Variants in LRRC4C observed in about 807,000 individuals in gnomAD.
LRRC4C encodes the protein leucine rich repeat containing 4C.
Under a neutral mutation model 33.6 loss-of-function variants are expected in LRRC4C, and 5 were observed. The ratio of observed to expected loss-of-function variants is 0.15; its 90% CI spans 0.08 to 0.31. LRRC4C has a LOEUF of 0.31. LRRC4C is among the 10% of genes least tolerant of loss of function. The pLI is 1.00. For synonymous variants in LRRC4C, 329 were observed against 302.0 expected (o/e 1.09, Z -0.93); for missense variants, 560 against 796.7 (o/e 0.70, Z 3.58).
chr11:41,185,033 A>T (rs1945629745), intron 1 of LRRC4C, among the ~76,000 whole-genome samples: 1 of 152,030 alleles, frequency 6.6e-6, no homozygotes, highest in African/African-American at 2.4e-5. Context: ...CAGCATGGGA[A>T]AGACCCACTC....
rs561501642 is a variant in LRRC4C at position 40,249,330 on chromosome 11, T to G, written c.-175-7732A>C. ...CTCCAGCCTGGCCAGAGAGTGAGAC[T>G]CCATCTCAAAAAAATAAAAAATAAA... On this transcript the variant is annotated intron_variant, in intron 4 of 6. Coordinates refer to ENST00000528697, the MANE Select transcript of LRRC4C (RefSeq NM_001258419.2). 8.7e-4 allele frequency among the ~76,000 whole-genome samples: 132 copies of G among 151,952 alleles called. 1 individual carries two copies. Among genetic ancestry groups the G allele is most frequent in the African/African-American group, 3.0e-3 (125 of 41,454 alleles).
intron 3 of LRRC4C, among the ~76,000 whole-genome samples, chr11:40,475,789 C>T (rs1276906911): frequency 6.6e-6 from 1 of 152,106 alleles, no homozygotes; most frequent in Non-Finnish European, 1.5e-5. Context: ...CAGAACGCCA[C>T]TCCTAAGCCC....
At chr11:40,791,042 G>A (rs1450026470) in intron 2 of LRRC4C, among the ~76,000 whole-genome samples, 2 of 152,128 alleles carry the variant, frequency 1.3e-5, no homozygotes, top group Non-Finnish European at 2.9e-5. Context: ...TTGTCACTCA[G>A]TACCTGTCTG....
chr11:40,736,166 C>A lies in LRRC4C; in HGVS notation c.-406-87888G>T, dbSNP rs1006367788. On this transcript the variant is annotated intron_variant, in intron 2 of 6. Coordinates refer to ENST00000528697, the MANE Select transcript of LRRC4C (RefSeq NM_001258419.2). ...CTCCTAATGCTATATCTCTCCTTGC[C>A]CCCCACCCCCAAACAGGCCCCAGAG... 4.6e-5 allele frequency among the ~76,000 whole-genome samples: 7 copies of A among 151,828 alleles called. No homozygotes were observed. The South Asian group carries it at 1.5e-3, about 32-fold the overall frequency.
chr11:41,081,644 G>C (rs1266079496), intron 1 of LRRC4C, among the ~76,000 whole-genome samples: 1 of 151,902 alleles, frequency 6.6e-6, no homozygotes, highest in Non-Finnish European at 1.5e-5. Context: ...GAACCATTGG[G>C]GTTTCCAATA....
intron 4 of LRRC4C, among the ~76,000 whole-genome samples, chr11:40,242,901 C>G (rs973925897): frequency 6.6e-6 from 1 of 151,902 alleles, no homozygotes; most frequent in African/African-American, 2.4e-5. Context: ...TCGGCATGCT[C>G]TTAACTAAAA....
intron 2 of LRRC4C, among the ~76,000 whole-genome samples, chr11:40,828,808 G>A (rs1200579723): frequency 6.6e-6 from 1 of 151,808 alleles, no homozygotes; most frequent in East Asian, 1.9e-4. Context: ...ATGTTATTAA[G>A]TATCTTAGAA....
Position 41,015,724 on chromosome 11 carries a change from G to A in LRRC4C, c.-495-82001C>T, listed in dbSNP as rs547421272. On this transcript the variant is annotated intron_variant, in intron 1 of 6. Coordinates refer to ENST00000528697, the MANE Select transcript of LRRC4C (RefSeq NM_001258419.2). ...GGAAAAAAATATCAAATGCGTCAAA[G>A]TGGAAAATTAAATTTTGGGGGAGAT... Among the ~76,000 whole-genome samples, 10 of 152,254 alleles carry A rather than the reference G, an allele frequency of 6.6e-5. No homozygotes were observed. In the South Asian group the frequency reaches 2.1e-3, roughly 32 times the overall value.
intron 1 of LRRC4C, among the ~76,000 whole-genome samples, chr11:41,180,483 A>G (rs934944471): frequency 3.9e-5 from 6 of 152,220 alleles, no homozygotes; most frequent in African/African-American, 1.2e-4. Context: ...GCAGAAAAAA[A>G]GACTAACTAA....
intron 4 of LRRC4C, among the ~76,000 whole-genome samples, chr11:40,251,685 T>C (rs368641065): frequency 2.0e-5 from 3 of 152,182 alleles, no homozygotes; most frequent in Non-Finnish European, 4.4e-5. Flanking sequence ...AAGTAAAGGA[T>C]CTTCTCTCTG....
chr11:40,159,126 G>A (rs994335938), intron 5 of LRRC4C, among the ~76,000 whole-genome samples: 2 of 152,174 alleles, frequency 1.3e-5, no homozygotes, highest in Admixed American at 6.5e-5. Flanking sequence ...AAATTTGGTC[G>A]TTGTTTTTTT....
chr11:40,866,664 G>A (rs533519041), intron 2 of LRRC4C, among the ~76,000 whole-genome samples: 32 of 152,228 alleles, frequency 2.1e-4, no homozygotes, highest in African/African-American at 7.2e-4. Context: ...TGAACTCTTT[G>A]AGCCTCAGCT....
intron 3 of LRRC4C, among the ~76,000 whole-genome samples, chr11:40,558,764 C>T (rs1272651392): frequency 1.3e-5 from 2 of 152,086 alleles, no homozygotes; most frequent in East Asian, 3.9e-4. Context: ...TGGGTAAACA[C>T]GTGTCATGGG....
At chr11:40,252,260 C>T (rs1866844887) in intron 4 of LRRC4C, among the ~76,000 whole-genome samples, 2 of 151,782 alleles carry the variant, frequency 1.3e-5, no homozygotes, top group South Asian at 4.2e-4. Context: ...ACCACGAATA[C>T]ACATTTATAC....
chr11:40,126,610 G>T (rs1590441570), intron 6 of LRRC4C, among the ~76,000 whole-genome samples: 1 of 152,248 alleles, frequency 6.6e-6, no homozygotes, highest in Admixed American at 6.5e-5. Flanking sequence ...ATATTTACAT[G>T]CCATAAAGAA....
chr11:40,134,552 T>C (rs1377969229), intron 6 of LRRC4C, among the ~76,000 whole-genome samples: 2 of 152,142 alleles, frequency 1.3e-5, no homozygotes, highest in Non-Finnish European at 2.9e-5. Context: ...GGGAAGAGTA[T>C]TTAAGGAAAA....
At chr11:41,442,770 G>A (rs1565677125) in intron 1 of LRRC4C, among the ~76,000 whole-genome samples, 1 of 151,898 alleles carries the variant, frequency 6.6e-6, no homozygotes, top group Non-Finnish European at 1.5e-5. Flanking sequence ...CGCCCGGCCT[G>A]TTGCTTCTTT....
intron 2 of LRRC4C, among the ~76,000 whole-genome samples, chr11:40,740,157 A>C (rs1948089717): frequency 6.6e-6 from 1 of 151,836 alleles, no homozygotes; most frequent in African/African-American, 2.4e-5. Flanking sequence ...TACTAATTTT[A>C]TTTCCTTTGG....
chr11:40,939,187 A>G (rs1387952898), intron 1 of LRRC4C, among the ~76,000 whole-genome samples: 1 of 152,156 alleles, frequency 6.6e-6, no homozygotes, highest in Non-Finnish European at 1.5e-5. Flanking sequence ...ATTGAACATT[A>G]GTGTTTTCAC....
Sources: gnomAD v4.1 joint callset for allele counts (sites outside exome capture counted in the v4.1 genomes callset) on GRCh38, gnomAD v4.1.1 for gene constraint, MANE v1.5 for transcripts, NCBI Gene and HGNC (gene_info 2026-07-23, HGNC 2026-07-21) for gene names.